The following EIF3H variants were observed in gnomAD, a reference collection of about 807,000 sequenced individuals.
EIF3H encodes the protein eukaryotic translation initiation factor 3 subunit H.
EIF3H carries 26 observed loss-of-function variants against 44.2 expected under a neutral mutation model. The observed-to-expected ratio is 0.59, with a 90% CI of 0.43 to 0.82. The LOEUF (loss-of-function observed/expected upper bound fraction) is 0.82. Ranked by LOEUF, EIF3H falls within the 40% of genes least tolerant of loss-of-function variation. EIF3H has a pLI of 0.00. For missense variants in EIF3H, 359 were observed against 432.8 expected, an observed-to-expected ratio of 0.83 and a Z score of 1.51; for synonymous variants, 166 against 151.9, an observed-to-expected ratio of 1.09 and a Z score of -0.68.
At chr8:116,761,890 G>A (rs1815522284) in intron 1 of EIF3H, among the ~76,000 whole-genome samples, 3 of 152,166 alleles carry the variant, frequency 2.0e-5, no homozygotes. Context: ...TTTCCTTGAT[G>A]TTCCTTACCC....
chr8:116,763,801 TAACA>T (rs1815541974), intron 1 of EIF3H, among the ~76,000 whole-genome samples: 1 of 152,334 alleles, frequency 6.6e-6, no homozygotes, highest in South Asian at 2.1e-4. Flanking sequence ...CTAAATTGTC[TAACA>T]TTTACGAAAT....
intron 1 of EIF3H, among the ~76,000 whole-genome samples, chr8:116,753,092 G>A (rs1392984079): frequency 1.3e-5 from 2 of 152,028 alleles, no homozygotes; most frequent in Non-Finnish European, 2.9e-5. Flanking sequence ...ATGGTAACTG[G>A]AAAACATTCA....
chr8:116,719,025 A>T (rs535323056), intron 2 of EIF3H, among the ~76,000 whole-genome samples: 1 of 152,300 alleles, frequency 6.6e-6, no homozygotes, highest in Non-Finnish European at 1.5e-5. Context: ...GAAAATGAAG[A>T]CAGAAATAAT....
At chr8:116,699,348 T>G (rs1213155147) in intron 2 of EIF3H, among the ~76,000 whole-genome samples, 2 of 152,224 alleles carry the variant, frequency 1.3e-5, no homozygotes, top group East Asian at 1.9e-4. Flanking sequence ...TTTAGACATT[T>G]GACTCTAAAT....
intron 2 of EIF3H, among the ~76,000 whole-genome samples, chr8:116,686,464 G>A (rs1235990811): frequency 6.6e-6 from 1 of 152,154 alleles, no homozygotes; most frequent in Non-Finnish European, 1.5e-5. Flanking sequence ...GTTGTGGAAA[G>A]ATAGTCATCA....
chr8:116,676,170 C>A (rs545469098), intron 2 of EIF3H, among the ~76,000 whole-genome samples: 1 of 152,204 alleles, frequency 6.6e-6, no homozygotes, highest in African/African-American at 2.4e-5. Context: ...TGGTTGTCAA[C>A]TGCAGCAATT....
rs960764215 is a variant in EIF3H, at chr8:116,648,933, T to C, written c.708-7A>G. On this transcript the variant is annotated splice_region_variant and splice_polypyrimidine_tract_variant and intron_variant, in intron 5 of 7. Coordinates refer to ENST00000521861, the MANE Select transcript of EIF3H (RefSeq NM_003756.3). ...ATTCTTCCCCAAATGATTGCTGAAA[T>C]GTAAAGTAAATATACTGACAAGTCT... The C allele has an allele frequency of 1.2e-6, 2 of 1,609,628 alleles. No homozygotes were observed. The highest frequency in any genetic ancestry group is 2.7e-5 in the African/African-American group (2 of 74,760).
chr8:116,704,387 A>G (rs1814433034), intron 2 of EIF3H, among the ~76,000 whole-genome samples: 1 of 152,218 alleles, frequency 6.6e-6, no homozygotes, highest in South Asian at 2.1e-4. Flanking sequence ...TAATGTTATC[A>G]TTACCAGTAC....
chr8:116,717,359 A>G (rs1272187186), intron 2 of EIF3H, among the ~76,000 whole-genome samples: 5 of 152,214 alleles, frequency 3.3e-5, no homozygotes, highest in Non-Finnish European at 5.9e-5. Context: ...AATCCCCATC[A>G]AAATACCACC....
At chr8:116,751,705 C>T (rs922843988) in intron 1 of EIF3H, among the ~76,000 whole-genome samples, 2 of 152,146 alleles carry the variant, frequency 1.3e-5, no homozygotes, top group African/African-American at 4.8e-5. Flanking sequence ...TATTTAAAGC[C>T]GTGAGCACAG....
chr8:116,663,414 T>C (rs1170201021), intron 2 of EIF3H, among the ~76,000 whole-genome samples: 8 of 152,282 alleles, frequency 5.3e-5, no homozygotes, highest in Admixed American at 4.6e-4. Flanking sequence ...AAACAGCAAT[T>C]TCAACTAATG....
At chr8:116,708,383 A>G (rs1458384386) in intron 2 of EIF3H, among the ~76,000 whole-genome samples, 3 of 152,046 alleles carry the variant, frequency 2.0e-5, no homozygotes, top group African/African-American at 7.2e-5. Flanking sequence ...CCCTTTACTA[A>G]TCAAAATGAA....
In EIF3H at chr8:116,730,500, GAAAGGTTGCAGACAC is replaced by G. The variant is rs547263282; in HGVS notation, c.133-4343_133-4329del. ...TTCACGAAACCAGTCCCTGGTGCCA[GAAAGGTTGCAGACAC>G]TGATTTAAATGTTAAAAGGAAAGGA... On this transcript the variant is annotated intron_variant, in intron 1 of 7. Coordinates refer to ENST00000521861, the MANE Select transcript of EIF3H (RefSeq NM_003756.3). Among the ~76,000 whole-genome samples the G allele has an allele frequency of 1.1e-3, 167 of 152,300 alleles. 1 individual carries two copies. Among genetic ancestry groups the G allele is most frequent in the South Asian group, 6.4e-3 (31 of 4,826 alleles).
At chr8:116,764,560 A>G (rs1421302173) in intron 1 of EIF3H, among the ~76,000 whole-genome samples, 1 of 152,222 alleles carries the variant, frequency 6.6e-6, no homozygotes, top group East Asian at 1.9e-4. Context: ...CCTCTCCCTC[A>G]ATACTTATTC....
intron 1 of EIF3H, among the ~76,000 whole-genome samples, chr8:116,743,009 A>G (rs35905748): frequency 0.89 from 135,362 of 152,292 alleles, 60,456 homozygotes; most frequent in African/African-American, 0.96. Flanking sequence ...GAATGAAACC[A>G]AAGCTGATGC....
At chr8:116,654,359 T>C (rs1338006750) in intron 5 of EIF3H, among the ~76,000 whole-genome samples, 1 of 152,212 alleles carries the variant, frequency 6.6e-6, no homozygotes, top group Admixed American at 6.5e-5. Context: ...GACCAGCTCA[T>C]TGGTAATGTT....
chr8:116,724,870 AC>A (rs1408461114), intron 2 of EIF3H, among the ~76,000 whole-genome samples: 141 of 152,346 alleles, frequency 9.3e-4, no homozygotes, highest in Non-Finnish European at 8.5e-4. Flanking sequence ...ATTAAAAAAA[AC>A]ATACAGAAGT....
chr8:116,669,209 A>G (rs1209077584), intron 2 of EIF3H, among the ~76,000 whole-genome samples: 1 of 152,352 alleles, frequency 6.6e-6, no homozygotes, highest in East Asian at 1.9e-4. Flanking sequence ...TCAGTACAAT[A>G]AAGAACAGAT....
At position 116,642,423 on chromosome 8, in the gene EIF3H, TAAA is replaced by T. The variant is rs201559233; in HGVS notation, c.*2580_*2582del. ...CAATTTCCAAGCTTCCAAAAATAGG[TAAA>T]AAAATTATTTTAGTTTAAGTTGATA... On this transcript the variant is annotated 3_prime_UTR_variant, in exon 8 of 8. Coordinates refer to ENST00000521861, the MANE Select transcript of EIF3H (RefSeq NM_003756.3). The T allele has an allele frequency of 6.6e-6, 1 of 152,120 alleles. No homozygotes were observed. The highest frequency in any genetic ancestry group is 1.5e-5 in the Non-Finnish European group (1 of 68,020). The allele number at this position is 152,120 out of a possible 1,614,324, so 9.4% of individuals were successfully genotyped here. A position where few individuals can be genotyped will look rare whatever the true frequency, so the allele number is the denominator to read the frequency against.
Sources: allele counts gnomAD v4.1 joint callset (sites outside exome capture counted in the v4.1 genomes callset), GRCh38; gene constraint gnomAD v4.1.1; transcripts MANE v1.5; gene names NCBI Gene and HGNC (gene_info 2026-07-23, HGNC 2026-07-21).